The following RFFL variants were observed in gnomAD, a reference collection of about 807,000 sequenced individuals.
RFFL encodes the protein ring finger and FYVE like domain containing E3 ubiquitin protein ligase.
A neutral mutation model predicts 40.4 loss-of-function variants in RFFL; 16 were observed. That is an observed-to-expected ratio of 0.40 (90% CI 0.27 to 0.60). RFFL has a LOEUF of 0.60. RFFL is among the 20% of genes least tolerant of loss of function. The pLI, the probability that RFFL is intolerant of heterozygous loss-of-function variation, is 0.47. For synonymous variants in RFFL, 154 were observed against 167.9 expected, an observed-to-expected ratio of 0.92 and a Z score of 0.64; for missense variants, 367 against 451.7, an observed-to-expected ratio of 0.81 and a Z score of 1.70.
chr17:35,071,345 CG>C (rs2091349521), intron 1 of RFFL, among the ~76,000 whole-genome samples: 1 of 152,070 alleles, frequency 6.6e-6, no homozygotes. Context: ...TGGCCCGGTG[CG>C]GTGGCTCACC....
intron 1 of RFFL, among the ~76,000 whole-genome samples, chr17:35,061,650 A>T (rs2091291831): frequency 6.8e-6 from 1 of 147,002 alleles, no homozygotes. Context: ...TTAAATACAG[A>T]CAGGGTTTCA....
At chr17:35,078,621 T>A (rs1228551428) in intron 1 of RFFL, among the ~76,000 whole-genome samples, 1 of 152,222 alleles carries the variant, frequency 6.6e-6, no homozygotes, top group African/African-American at 2.4e-5. Flanking sequence ...CATTCTAATA[T>A]GCTTTCATAA....
intron 1 of RFFL, among the ~76,000 whole-genome samples, chr17:35,034,523 C>T (rs1005621785): frequency 1.3e-5 from 2 of 151,368 alleles, no homozygotes; most frequent in Non-Finnish European, 2.9e-5. Context: ...TTTAAATCCA[C>T]GTTACTTTTT....
chr17:35,070,494 C>T (rs1180531252), intron 1 of RFFL, among the ~76,000 whole-genome samples: 2 of 152,078 alleles, frequency 1.3e-5, no homozygotes, highest in Non-Finnish European at 2.9e-5. Flanking sequence ...GTACCTAAGA[C>T]CATTTGATAA....
intron 1 of RFFL, among the ~76,000 whole-genome samples, chr17:35,041,167 C>T (rs905180981): frequency 2.0e-5 from 3 of 152,046 alleles, no homozygotes; most frequent in Admixed American, 6.6e-5. Context: ...TGTGCTCTAC[C>T]GAATTTCCAG....
chr17:35,079,448 G>A (rs1003568334), intron 1 of RFFL, among the ~76,000 whole-genome samples: 6 of 152,242 alleles, frequency 3.9e-5, no homozygotes, highest in Non-Finnish European at 1.5e-5. Flanking sequence ...TAATTAGATA[G>A]TAATTGTCAA....
intron 1 of RFFL, among the ~76,000 whole-genome samples, chr17:35,041,477 T>A (rs1597826484): frequency 6.6e-6 from 1 of 152,062 alleles, no homozygotes; most frequent in East Asian, 1.9e-4. Flanking sequence ...ATAAAAATAA[T>A]CACTTCTTAC....
At chr17:35,042,751 G>A (rs1182251195) in intron 1 of RFFL, among the ~76,000 whole-genome samples, 2 of 148,800 alleles carry the variant, frequency 1.3e-5, no homozygotes, top group Non-Finnish European at 2.9e-5. Flanking sequence ...CTTGAACCCA[G>A]GAGGCAGAGG....
At chr17:35,024,612 T>C (rs1257398327) in intron 2 of RFFL, among the ~76,000 whole-genome samples, 1 of 152,256 alleles carries the variant, frequency 6.6e-6, no homozygotes, top group Non-Finnish European at 1.5e-5. Flanking sequence ...ACTTATATTC[T>C]GTCTATAAAG....
chr17:35,055,563 C>G (rs1567712178), intron 1 of RFFL, among the ~76,000 whole-genome samples: 2 of 151,200 alleles, frequency 1.3e-5, no homozygotes, highest in African/African-American at 4.9e-5. Context: ...TCTAGCTACT[C>G]AGGAGGCTGA....
rs111952467 is a variant in RFFL, at chr17:35,081,055, G to A, written c.-9+8050C>T. On this transcript the variant is annotated intron_variant, in intron 1 of 6. Coordinates refer to the RFFL transcript ENST00000315249. ...ATGGCGGTAGTAGCAGTTGAAAAAC[G>A]CTGCTGAGAGAGCAAGAAGGTTTTG... 1.9e-3 allele frequency among the ~76,000 whole-genome samples: 288 copies of A among 152,282 alleles called. 2 individuals carry two copies. The highest frequency in any genetic ancestry group is 6.4e-3 in the African/African-American group (268 of 41,556).
chr17:35,032,999 G>A (rs2091095762), intron 1 of RFFL, among the ~76,000 whole-genome samples: 1 of 152,046 alleles, frequency 6.6e-6, no homozygotes, highest in Non-Finnish European at 1.5e-5. Context: ...TCATAGCTTG[G>A]AAAGTGAATG....
At chr17:35,038,566 A>G (rs2091141306) in intron 1 of RFFL, among the ~76,000 whole-genome samples, 1 of 152,222 alleles carries the variant, frequency 6.6e-6, no homozygotes, top group South Asian at 2.1e-4. Flanking sequence ...TAGAATTATG[A>G]TATGTTCACA....
In RFFL at chr17:35,031,080, C is replaced by T. The variant is rs973918709; in HGVS notation, c.-8-4519G>A. Among the ~76,000 whole-genome samples the T allele has an allele frequency of 2.8e-4, 43 of 151,984 alleles. 1 individual carries two copies. Among genetic ancestry groups the T allele is most frequent in the Admixed American group, 5.2e-4 (8 of 15,258 alleles). ...ACCATCTGGCTTTCTGGGCTTGTCC[C>T]CTGCAAAGAGGACAAGGTTGTAGGC... On this transcript the variant is annotated intron_variant, in intron 1 of 6. Transcript: ENST00000394597.
intron 1 of RFFL, among the ~76,000 whole-genome samples, chr17:35,055,165 G>GCCCA (rs1567712083): frequency 1.3e-5 from 2 of 151,910 alleles, no homozygotes; most frequent in Non-Finnish European, 2.9e-5. Context: ...TGATCCACTT[G>GCCCA]CCTCGGCCTC....
intron 1 of RFFL, among the ~76,000 whole-genome samples, chr17:35,058,786 T>C (rs1175797471): frequency 6.6e-6 from 1 of 151,986 alleles, no homozygotes; most frequent in Non-Finnish European, 1.5e-5. Flanking sequence ...ATAAAGTTGG[T>C]AGTAATAATC....
intron 1 of RFFL, among the ~76,000 whole-genome samples, chr17:35,072,879 A>G (rs543792890): frequency 6.6e-6 from 1 of 152,226 alleles, no homozygotes; most frequent in African/African-American, 2.4e-5. Flanking sequence ...CTCCGTCTCT[A>G]CTCAAAATAC....
At chr17:35,044,563 G>A (rs550110296) in intron 1 of RFFL, among the ~76,000 whole-genome samples, 185 of 152,218 alleles carry the variant, frequency 1.2e-3, no homozygotes, top group Middle Eastern at 6.8e-3. Context: ...GCAGTGACTC[G>A]ACACTGCACC....
chr17:35,073,343 G>C (rs566487104), intron 1 of RFFL, among the ~76,000 whole-genome samples: 1 of 152,282 alleles, frequency 6.6e-6, no homozygotes, highest in African/African-American at 2.4e-5. Context: ...TGCAATTTTA[G>C]CTCAGCAGAC....
Sources: allele counts gnomAD v4.1 joint callset (sites outside exome capture counted in the v4.1 genomes callset), GRCh38; gene constraint gnomAD v4.1.1; transcripts MANE v1.5; gene names NCBI Gene and HGNC (gene_info 2026-07-23, HGNC 2026-07-21).